The following CSMD1 variants were observed in gnomAD, a reference collection of about 807,000 sequenced individuals.
CSMD1 encodes CUB and Sushi multiple domains 1.
CSMD1 carries 213 observed loss-of-function variants against 417.5 expected under a neutral mutation model. The ratio of observed to expected loss-of-function variants is 0.51; its 90% CI spans 0.46 to 0.57. The LOEUF (loss-of-function observed/expected upper bound fraction) is 0.57, where lower values mean the gene tolerates loss of function less well. CSMD1 is among the 20% of genes least tolerant of loss of function. The pLI, the probability that CSMD1 is intolerant of heterozygous loss-of-function variation, is 0.00. For missense variants in CSMD1, 6,923 were observed against 4,529.7 expected (o/e 1.53, Z -15.17); for synonymous variants, 2,862 against 1,736.8 (o/e 1.65, Z -16.11).
At chr8:4,506,585 C>T (rs898172595) in intron 2 of CSMD1, among the ~76,000 whole-genome samples, 11 of 152,122 alleles carry the variant, frequency 7.2e-5, no homozygotes, top group Admixed American at 7.2e-4. Flanking sequence ...GAGGAAGTCA[C>T]TACCATTCTA....
chr8:4,348,226 T>G (rs985538847), intron 3 of CSMD1, among the ~76,000 whole-genome samples: 1 of 152,104 alleles, frequency 6.6e-6, no homozygotes, highest in Admixed American at 6.6e-5. Context: ...AAATTCACAA[T>G]GCATACTAAG....
chr8:3,473,922 T>C (rs532720808), intron 11 of CSMD1, among the ~76,000 whole-genome samples: 7 of 152,184 alleles, frequency 4.6e-5, no homozygotes, highest in East Asian at 3.9e-4. Flanking sequence ...ACGTCTTACA[T>C]GGCAGGAGGA....
At chr8:4,283,319 C>T (rs1160971282) in intron 3 of CSMD1, among the ~76,000 whole-genome samples, 3 of 152,184 alleles carry the variant, frequency 2.0e-5, no homozygotes, top group African/African-American at 7.2e-5. Context: ...TTTGTAGCTT[C>T]AGTTCTCCTT....
intron 3 of CSMD1, among the ~76,000 whole-genome samples, chr8:4,367,453 T>A (rs1420818179): frequency 1.3e-5 from 2 of 152,222 alleles, no homozygotes; most frequent in Non-Finnish European, 2.9e-5. Flanking sequence ...GATGTTTTGA[T>A]TAATGTAGTC....
intron 3 of CSMD1, among the ~76,000 whole-genome samples, chr8:4,246,763 A>T (rs906764947): frequency 6.6e-6 from 1 of 152,190 alleles, no homozygotes; most frequent in African/African-American, 2.4e-5. Context: ...AACAGGATCA[A>T]GAAGATTTTT....
chr8:3,644,733 G>A (rs576672822), intron 7 of CSMD1, among the ~76,000 whole-genome samples: 38 of 152,092 alleles, frequency 2.5e-4, no homozygotes, highest in African/African-American at 8.0e-4. Flanking sequence ...CTGTCAGGGG[G>A]GTGCAGTGCC....
intron 2 of CSMD1, among the ~76,000 whole-genome samples, chr8:4,543,671 GAAAAAAAAAA>G (rs35739254): frequency 0.043 from 2,464 of 57,420 alleles, 39 homozygotes; most frequent in Non-Finnish European, 0.063. Flanking sequence ...GTTTAATTTT[GAAAAAAAAAA>G]AAAAAAAAAA....
intron 10 of CSMD1, among the ~76,000 whole-genome samples, chr8:3,536,210 T>C (rs897364676): frequency 2.0e-5 from 3 of 152,240 alleles, no homozygotes; most frequent in African/African-American, 7.2e-5. Context: ...TAGGTTTGCT[T>C]TTCAAGACTC....
chr8:4,410,647 A>G (rs2918046), intron 3 of CSMD1, among the ~76,000 whole-genome samples: 5,300 of 152,298 alleles, frequency 0.035, 134 homozygotes, highest in African/African-American at 0.073. Context: ...GCATGTAAAC[A>G]TGGAGAAATT....
At chr8:3,405,820 A>G (rs1812309958) in intron 15 of CSMD1, among the ~76,000 whole-genome samples, 1 of 152,174 alleles carries the variant, frequency 6.6e-6, no homozygotes, top group Non-Finnish European at 1.5e-5. Context: ...GAGTTCCAGA[A>G]GGACCCCACC....
chr8:3,918,801 T>G (rs1007488475), intron 5 of CSMD1, among the ~76,000 whole-genome samples: 3 of 152,118 alleles, frequency 2.0e-5, no homozygotes, highest in Non-Finnish European at 4.4e-5. Context: ...TTTTATGTTC[T>G]CATTCATAAA....
intron 3 of CSMD1, among the ~76,000 whole-genome samples, chr8:4,167,431 G>C (rs769925321): frequency 1.1e-4 from 16 of 152,102 alleles, no homozygotes; most frequent in Non-Finnish European, 1.8e-4. Context: ...AATGGTAATA[G>C]AAATGTTAAC....
At position 4,193,410 on chromosome 8, in the gene CSMD1, CTGTT is replaced by C. The variant is rs752250782; in HGVS notation, c.416-161315_416-161312del. Among the ~76,000 whole-genome samples the C allele has an allele frequency of 4.0e-5, 6 of 151,770 alleles. No individual in the cohort carries two copies. In the South Asian group the frequency reaches 8.3e-4, roughly 21 times the overall value. On this transcript the variant is annotated intron_variant, in intron 3 of 69. Coordinates refer to ENST00000635120, the MANE Select transcript of CSMD1 (RefSeq NM_033225.6). ...AATGAATATTCCTGGGCTTCCAAGT[CTGTT>C]TGCTTCTCTGTTCACATCCAGGTAC...
chr8:4,236,753 C>A (rs1367694495), intron 3 of CSMD1, among the ~76,000 whole-genome samples: 1 of 152,134 alleles, frequency 6.6e-6, no homozygotes, highest in Non-Finnish European at 1.5e-5. Flanking sequence ...ATTAAAATGG[C>A]TTATCTCAAT....
At chr8:4,496,045 T>C (rs1801961566) in intron 2 of CSMD1, among the ~76,000 whole-genome samples, 1 of 152,228 alleles carries the variant, frequency 6.6e-6, no homozygotes, top group Non-Finnish European at 1.5e-5. Context: ...TAATTGGCAC[T>C]GTTTTCTTTT....
intron 2 of CSMD1, among the ~76,000 whole-genome samples, chr8:4,466,708 T>C (rs1214237669): frequency 6.6e-6 from 1 of 152,130 alleles, no homozygotes; most frequent in Non-Finnish European, 1.5e-5. Flanking sequence ...TTTTTAAAAA[T>C]TTTAAAATGG....
chr8:3,556,415 T>TACATACATA (rs1799148435), intron 10 of CSMD1, among the ~76,000 whole-genome samples: 9 of 57,102 alleles, frequency 1.6e-4, no homozygotes, highest in African/African-American at 5.6e-4. Context: ...ATATATATAT[T>TACATACATA]CACACACACA....
At chr8:4,158,902 AG>A (rs1423024890) in intron 3 of CSMD1, among the ~76,000 whole-genome samples, 1 of 152,158 alleles carries the variant, frequency 6.6e-6, no homozygotes, top group Admixed American at 6.5e-5. Context: ...CTGAAAAGAA[AG>A]ATTATCTTTC....
intron 5 of CSMD1, among the ~76,000 whole-genome samples, chr8:3,808,651 G>T (rs995482307): frequency 1.3e-5 from 2 of 152,092 alleles, no homozygotes; most frequent in Admixed American, 6.6e-5. Context: ...TGAGCCCAAG[G>T]GACTTAGGTC....
Sources: gnomAD v4.1 joint callset for allele counts (sites outside exome capture counted in the v4.1 genomes callset) on GRCh38, gnomAD v4.1.1 for gene constraint, MANE v1.5 for transcripts, NCBI Gene and HGNC (gene_info 2026-07-23, HGNC 2026-07-21) for gene names.